Variants in SGCZ observed in about 807,000 individuals in gnomAD.
SGCZ encodes the protein sarcoglycan zeta.
SGCZ carries 40 observed loss-of-function variants against 41.3 expected under a neutral mutation model. The observed-to-expected ratio is 0.97, with a 90% CI of 0.75 to 1.26. SGCZ has a LOEUF of 1.26. Among genes scored for constraint, SGCZ ranks in the 50% most tolerant of loss-of-function variants. The pLI is 0.00. For synonymous variants in SGCZ, 206 were observed against 137.5 expected (o/e 1.50, Z -3.49); for missense variants, 552 against 369.8 (o/e 1.49, Z -4.04).
chr8:14,335,027 C>G (rs560341142), intron 2 of SGCZ, among the ~76,000 whole-genome samples: 2 of 151,990 alleles, frequency 1.3e-5, no homozygotes, highest in Non-Finnish European at 2.9e-5. Context: ...TAAATGTCAA[C>G]AGAGAAAGGA....
chr8:14,743,394 T>A (rs1024033023), intron 1 of SGCZ, among the ~76,000 whole-genome samples: 7 of 152,138 alleles, frequency 4.6e-5, no homozygotes, highest in African/African-American at 1.4e-4. Flanking sequence ...TTTTAAATAT[T>A]AAATCACTAA....
intron 7 of SGCZ, among the ~76,000 whole-genome samples, chr8:14,092,147 T>C (rs561685314): frequency 6.6e-6 from 1 of 152,226 alleles, no homozygotes; most frequent in Admixed American, 6.5e-5. Context: ...GTGTTATTGC[T>C]GAGGCCTCTG....
At chr8:14,683,032 A>T (rs1332742020) in intron 1 of SGCZ, among the ~76,000 whole-genome samples, 1 of 152,190 alleles carries the variant, frequency 6.6e-6, no homozygotes, top group East Asian at 1.9e-4. Flanking sequence ...ACCAGGTGTC[A>T]AATATTTCTA....
At chr8:15,007,142 A>G (rs1802634017) in intron 1 of SGCZ, among the ~76,000 whole-genome samples, 1 of 152,194 alleles carries the variant, frequency 6.6e-6, no homozygotes, top group Non-Finnish European at 1.5e-5. Flanking sequence ...CCAAAGGAAG[A>G]GATATATCCA....
At chr8:14,097,000 T>TTA (rs1801866639) in intron 7 of SGCZ, among the ~76,000 whole-genome samples, 1 of 152,104 alleles carries the variant, frequency 6.6e-6, no homozygotes, top group African/African-American at 2.4e-5. Context: ...CTTTCCTTCT[T>TTA]TATTAGTCTG....
chr8:15,002,518 G>A (rs1171870303), intron 1 of SGCZ, among the ~76,000 whole-genome samples: 1 of 152,104 alleles, frequency 6.6e-6, no homozygotes, highest in East Asian at 1.9e-4. Context: ...GAACCCAGCA[G>A]CCTCATGGAT....
At chr8:14,639,932 A>G (rs1806967841) in intron 1 of SGCZ, among the ~76,000 whole-genome samples, 3 of 151,856 alleles carry the variant, frequency 2.0e-5, no homozygotes, top group South Asian at 2.1e-4. Flanking sequence ...TTGATACTGT[A>G]TTAGAAATGA....
intron 5 of SGCZ, among the ~76,000 whole-genome samples, chr8:14,113,362 A>C (rs1296618698): frequency 1.3e-5 from 2 of 152,086 alleles, no homozygotes; most frequent in African/African-American, 4.8e-5. Flanking sequence ...ACTTGTCTTT[A>C]AACTACCATA....
At chr8:15,130,432 A>T (rs1361674491) in intron 1 of SGCZ, among the ~76,000 whole-genome samples, 2 of 152,188 alleles carry the variant, frequency 1.3e-5, no homozygotes, top group East Asian at 3.9e-4. Flanking sequence ...TAATAAACAC[A>T]CGATTACCAA....
intron 2 of SGCZ, among the ~76,000 whole-genome samples, chr8:14,543,897 A>G (rs1443774603): frequency 6.6e-6 from 1 of 152,156 alleles, no homozygotes; most frequent in Admixed American, 6.6e-5. Context: ...ACAGAATTTG[A>G]AAGACAAGAT....
At chr8:14,549,934 A>T (rs1803748654) in intron 2 of SGCZ, among the ~76,000 whole-genome samples, 1 of 152,092 alleles carries the variant, frequency 6.6e-6, no homozygotes, top group Non-Finnish European at 1.5e-5. Flanking sequence ...GGTCAACAAA[A>T]GAAACTCCTA....
At chr8:14,522,496 C>G (rs1802820181) in intron 2 of SGCZ, among the ~76,000 whole-genome samples, 1 of 151,888 alleles carries the variant, frequency 6.6e-6, no homozygotes, top group African/African-American at 2.4e-5. Flanking sequence ...TCTATTTCAA[C>G]TAAGTTGTGT....
intron 1 of SGCZ, among the ~76,000 whole-genome samples, chr8:14,730,003 T>A (rs1034542953): frequency 6.6e-6 from 1 of 152,130 alleles, no homozygotes; most frequent in African/African-American, 2.4e-5. Flanking sequence ...GAGAATTGCT[T>A]GAACCCAGTG....
intron 1 of SGCZ, among the ~76,000 whole-genome samples, chr8:14,577,450 G>A (rs940378564): frequency 1.0e-4 from 15 of 145,530 alleles, no homozygotes; most frequent in African/African-American, 2.6e-4. Context: ...GTATAGTGGC[G>A]CAATCTCGGT....
At chr8:14,317,989 C>A (rs912042879) in intron 3 of SGCZ, among the ~76,000 whole-genome samples, 1 of 151,714 alleles carries the variant, frequency 6.6e-6, no homozygotes, top group Non-Finnish European at 1.5e-5. Context: ...AAAAAAACTT[C>A]TTACAGCTAG....
chr8:14,912,342 G>A (rs75060297), intron 1 of SGCZ, among the ~76,000 whole-genome samples: 1,668 of 152,008 alleles, frequency 0.011, 28 homozygotes, highest in East Asian at 0.06. Flanking sequence ...CTCCAATATG[G>A]AAAGACTTCC....
At chr8:15,113,950 T>G (rs1329004804) in intron 1 of SGCZ, among the ~76,000 whole-genome samples, 2 of 152,212 alleles carry the variant, frequency 1.3e-5, no homozygotes, top group South Asian at 4.1e-4. Context: ...CGCATTTCTC[T>G]AGGCTGTGCC....
chr8:14,951,474 A>T lies in SGCZ; in HGVS notation c.39+286111T>A, dbSNP rs546726380. ...ACTTATTCTTAAATACTTCTGTGGG[A>T]TTATATGGTGAGATAATAAATGTAT... On this transcript the variant is annotated intron_variant, in intron 1 of 7. Transcript: ENST00000382080. 2.0e-5 allele frequency among the ~76,000 whole-genome samples: 3 copies of T among 152,140 alleles called. No homozygotes were observed. The East Asian group carries it at 5.8e-4, about 29-fold the overall frequency.
chr8:14,204,921 G>A (rs901090182), intron 4 of SGCZ, among the ~76,000 whole-genome samples: 1 of 151,996 alleles, frequency 6.6e-6, no homozygotes, highest in African/African-American at 2.4e-5. Flanking sequence ...CCTTGTTACT[G>A]GAATTCCAGG....
Sources: gnomAD v4.1 joint callset for allele counts (sites outside exome capture counted in the v4.1 genomes callset) on GRCh38, gnomAD v4.1.1 for gene constraint, MANE v1.5 for transcripts, NCBI Gene and HGNC (gene_info 2026-07-23, HGNC 2026-07-21) for gene names.